Variants in ERMP1 observed in about 807,000 individuals in gnomAD.
ERMP1 encodes endoplasmic reticulum metallopeptidase 1, also known as Felix-ina.
A neutral mutation model predicts 92.0 loss-of-function variants in ERMP1; 86 were observed. The ratio of observed to expected loss-of-function variants is 0.93; its 90% CI spans 0.79 to 1.12. The LOEUF (loss-of-function observed/expected upper bound fraction) is 1.12, where lower values mean the gene tolerates loss of function less well. ERMP1 is among the 50% of genes most tolerant of loss of function. The pLI, the probability that ERMP1 is intolerant of heterozygous loss-of-function variation, is 0.00. For missense variants in ERMP1, 1,342 were observed against 1,116.3 expected, an observed-to-expected ratio of 1.20 and a Z score of -2.88; for synonymous variants, 530 against 412.8, an observed-to-expected ratio of 1.28 and a Z score of -3.44.
intron 6 of ERMP1, among the ~76,000 whole-genome samples, chr9:5,839,027 G>C (rs1054478720): frequency 6.6e-6 from 1 of 152,158 alleles, no homozygotes; most frequent in African/African-American, 2.4e-5. Flanking sequence ...GAAGGCACTT[G>C]TCTGTAGATC....
At chr9:5,814,419 C>G (rs1244933928) in intron 4 of ERMP1, among the ~76,000 whole-genome samples, 2 of 152,116 alleles carry the variant, frequency 1.3e-5, no homozygotes, top group African/African-American at 2.4e-5. Flanking sequence ...TTTAACTTCA[C>G]AGATTATAAA....
intron 8 of ERMP1, among the ~76,000 whole-genome samples, chr9:5,808,703 T>C (rs1276405621): frequency 1.3e-5 from 2 of 152,186 alleles, no homozygotes; most frequent in Non-Finnish European, 2.9e-5. Flanking sequence ...CTGTAATTCA[T>C]TTTTAGACCT....
intron 5 of ERMP1, among the ~76,000 whole-genome samples, chr9:5,865,496 A>C (rs1311633423): frequency 7.0e-6 from 1 of 143,076 alleles, no homozygotes; most frequent in East Asian, 2.0e-4. Context: ...CGACAGAGCA[A>C]GACTCCATCT....
rs896044935 is a variant in ERMP1 at position 5,850,060 on chromosome 9, G to A, written n.3199+9408C>T. ...CAAACCCAGAGTGTTTAAGGAATAG[G>A]CCCAAAAGGTCACACAGCCTGCTGT... On this transcript the variant is annotated intron_variant and non_coding_transcript_variant, in intron 6 of 6. Coordinates refer to the ERMP1 transcript ENST00000690753. 5.3e-5 allele frequency among the ~76,000 whole-genome samples: 8 copies of A among 152,128 alleles called. 1 individual carries two copies. Among genetic ancestry groups the A allele is most frequent in the African/African-American group, 1.9e-4 (8 of 41,410 alleles).
intron 13 of ERMP1, chr9:5,791,117 G>C (rs1344471026): frequency 2.4e-6 from 1 of 417,776 alleles, no homozygotes; most frequent in Non-Finnish European, 4.9e-6. Context: ...TGCAGGAACA[G>C]TTGAAGTGAA....
chr9:5,844,561 A>C (rs1225963609), intron 6 of ERMP1, among the ~76,000 whole-genome samples: 2 of 152,212 alleles, frequency 1.3e-5, no homozygotes, highest in Non-Finnish European at 2.9e-5. Context: ...GGCGTGAGCC[A>C]CCACGCCTGG....
At chr9:5,856,634 C>A (rs1000606303) in intron 6 of ERMP1, among the ~76,000 whole-genome samples, 4 of 152,210 alleles carry the variant, frequency 2.6e-5, no homozygotes, top group African/African-American at 9.6e-5. Flanking sequence ...TGCCAGTAGT[C>A]ACATTCCATA....
intron 6 of ERMP1, among the ~76,000 whole-genome samples, chr9:5,847,752 G>A (rs142285366): frequency 1.8e-3 from 279 of 151,726 alleles, no homozygotes; most frequent in African/African-American, 6.1e-3. Context: ...AAAATTAGCC[G>A]GGCGTGGTGG....
At chr9:5,843,911 G>A (rs1373561037) in intron 6 of ERMP1, among the ~76,000 whole-genome samples, 1 of 152,112 alleles carries the variant, frequency 6.6e-6, no homozygotes, top group Middle Eastern at 3.2e-3. Context: ...GTGTCCTGGG[G>A]GGAGGAAGGA....
Position 5,791,726 on chromosome 9 carries a change from T to G in ERMP1, c.2387-4133A>C, listed in dbSNP as rs145872866. On this transcript the variant is annotated intron_variant, in intron 13 of 14. Coordinates refer to ENST00000339450, the MANE Select transcript of ERMP1 (RefSeq NM_024896.3). ...CATCTGTCTCCGTACTAAGCCCAAG[T>G]AGAATGCTTTAAAAGAAAAACAGTT... Among the ~76,000 whole-genome samples, 386 of 152,260 alleles carry G rather than the reference T, an allele frequency of 2.5e-3. 3 individuals are homozygous for G. The highest frequency in any genetic ancestry group is 8.9e-3 in the African/African-American group (371 of 41,554).
At chr9:5,821,282 A>C (rs555313746) in intron 4 of ERMP1, among the ~76,000 whole-genome samples, 4 of 152,356 alleles carry the variant, frequency 2.6e-5, no homozygotes, top group African/African-American at 9.6e-5. Context: ...GCAACAGAGA[A>C]TTTAAACTGT....
intron 6 of ERMP1, among the ~76,000 whole-genome samples, chr9:5,854,131 G>C (rs946284448): frequency 1.3e-5 from 2 of 151,884 alleles, no homozygotes; most frequent in African/African-American, 4.8e-5. Context: ...TTCTCCAGTG[G>C]GGAGAAAGAA....
At chr9:5,848,312 G>C (rs927363973) in intron 6 of ERMP1, among the ~76,000 whole-genome samples, 1 of 152,160 alleles carries the variant, frequency 6.6e-6, no homozygotes, top group East Asian at 1.9e-4. Context: ...TAATGGAGGA[G>C]GTCGGAGTGG....
chr9:5,820,190 A>G (rs1036542176), intron 4 of ERMP1, among the ~76,000 whole-genome samples: 2 of 152,086 alleles, frequency 1.3e-5, no homozygotes, highest in African/African-American at 4.8e-5. Context: ...TCCCAGCTAC[A>G]TGGCAGGCTG....
At chr9:5,839,839 C>G (rs745937376) in intron 6 of ERMP1, among the ~76,000 whole-genome samples, 6 of 152,204 alleles carry the variant, frequency 3.9e-5, no homozygotes, top group Non-Finnish European at 8.8e-5. Flanking sequence ...GCAAATATCT[C>G]TCAAAGTGTG....
intron 8 of ERMP1, among the ~76,000 whole-genome samples, chr9:5,806,116 T>G (rs962290623): frequency 5.9e-5 from 9 of 152,222 alleles, no homozygotes; most frequent in African/African-American, 1.7e-4. Flanking sequence ...TGTAAGCTTT[T>G]CAGTTCATGC....
chr9:5,816,159 A>T (rs1829296806), intron 4 of ERMP1, among the ~76,000 whole-genome samples: 1 of 152,214 alleles, frequency 6.6e-6, no homozygotes, highest in Admixed American at 6.5e-5. Flanking sequence ...TTTTCACCTT[A>T]CAATAATTAA....
chr9:5,811,336 A>G lies in ERMP1; in HGVS notation c.1115-13T>C. On this transcript the variant is annotated splice_polypyrimidine_tract_variant and intron_variant, in intron 6 of 14. Coordinates refer to ENST00000339450, the MANE Select transcript of ERMP1 (RefSeq NM_024896.3). The stretch of plus-strand genomic sequence containing the variant: ...AAAATGTTGTCACCTATTAGTAAAA[A>G]CAAAAAAAAAAAGAAAGAAAAGGAA... 6.4e-7 allele frequency: 1 copy of G among 1,570,724 alleles called. No individual in the cohort carries two copies. Among genetic ancestry groups the G allele is most frequent in the Non-Finnish European group, 8.6e-7 (1 of 1,160,522 alleles).
At chr9:5,862,813 G>C (rs1830541831) in intron 5 of ERMP1, among the ~76,000 whole-genome samples, 1 of 152,186 alleles carries the variant, frequency 6.6e-6, no homozygotes, top group Non-Finnish European at 1.5e-5. Flanking sequence ...GGGGCCATGG[G>C]TTGGTTCTCA....
Sources: allele counts gnomAD v4.1 joint callset (sites outside exome capture counted in the v4.1 genomes callset), GRCh38; gene constraint gnomAD v4.1.1; transcripts MANE v1.5; gene names NCBI Gene and HGNC (gene_info 2026-07-23, HGNC 2026-07-21).